Variants in ERCC1 observed in about 807,000 individuals in gnomAD.
ERCC1 encodes the protein DNA excision repair protein ERCC-1.
Under a neutral mutation model 37.6 loss-of-function variants are expected in ERCC1, and 36 were observed. That is an observed-to-expected ratio of 0.96 (90% confidence interval 0.73 to 1.26). The LOEUF (loss-of-function observed/expected upper bound fraction) is 1.26, where lower values mean the gene tolerates loss of function less well. Ranked by LOEUF, ERCC1 falls within the 50% of genes most tolerant of loss-of-function variation. The pLI, the probability that ERCC1 is intolerant of heterozygous loss-of-function variation, is 0.00. For synonymous variants in ERCC1, 156 were observed against 162.1 expected (o/e 0.96, Z 0.28); for missense variants, 349 against 376.5 (o/e 0.93, Z 0.60).
chr19:45,437,759 T>C (rs1975017978), intron 1 of ERCC1, among the ~76,000 whole-genome samples: 1 of 152,206 alleles, frequency 6.6e-6, no homozygotes, highest in Admixed American at 6.5e-5. Flanking sequence ...TCAGCGAGAC[T>C]GGAGAAATAT....
chr19:45,431,079 A>G (rs1202316204), intron 1 of ERCC1, among the ~76,000 whole-genome samples: 2 of 152,044 alleles, frequency 1.3e-5, no homozygotes, highest in African/African-American at 4.8e-5. Context: ...CAGCCTCCCA[A>G]GTAGCTGAGA....
chr19:45,408,064 A>C lies in ERCC1; in HGVS notation c.*1611T>G, dbSNP rs77052728. 1.3e-6 allele frequency: 2 copies of C among 1,504,712 alleles called. No homozygotes were observed. Among genetic ancestry groups the C allele is most frequent in the Non-Finnish European group, 1.8e-6 (2 of 1,129,638 alleles). The allele number at this position is 1,504,712 out of a possible 1,614,324, so 93.2% of individuals were successfully genotyped here. On this transcript the variant is annotated 3_prime_UTR_variant, in exon 10 of 10. Coordinates refer to ENST00000300853, the MANE Select transcript of ERCC1 (RefSeq NM_001983.4). ...GCAAGACTCTCTCAAAAAAAAACAA[A>C]AAAAAAATCAAAAAACCTTCCCTCT...
intron 4 of ERCC1, 48 bp from the exon 5 acceptor site, chr19:45,419,245 A>G (rs1974253667): frequency 7.6e-7 from 1 of 1,313,452 alleles, no homozygotes; most frequent in Admixed American, 2.0e-5. Context: ...TCTCTTCAAG[A>G]CCCCCAAAGC....
intron 1 of ERCC1, among the ~76,000 whole-genome samples, chr19:45,442,444 G>T (rs1342647492): frequency 6.6e-6 from 1 of 152,154 alleles, no homozygotes; most frequent in Non-Finnish European, 1.5e-5. Flanking sequence ...ATCTTGGCCA[G>T]TAGGATTCAC....
At chr19:45,434,157 A>AC (rs1568597008) in intron 1 of ERCC1, among the ~76,000 whole-genome samples, 29,014 of 105,008 alleles carry the variant, frequency 0.28, 3,835 homozygotes, top group East Asian at 0.42. Flanking sequence ...CACACACACA[A>AC]AAAAAAAAAA....
At chr19:45,412,341 T>C (rs1973793790) in intron 9 of ERCC1, among the ~76,000 whole-genome samples, 1 of 151,740 alleles carries the variant, frequency 6.6e-6, no homozygotes, top group African/African-American at 2.4e-5. Flanking sequence ...ATATTTTTAG[T>C]AGAGATGGGG....
intron 1 of ERCC1, among the ~76,000 whole-genome samples, chr19:45,448,071 C>T (rs1010003962): frequency 5.3e-5 from 8 of 152,130 alleles, no homozygotes; most frequent in African/African-American, 1.9e-4. Context: ...GGGGTTTCGC[C>T]ATGCTGGCCA....
In ERCC1 at chr19:45,420,070, T is replaced by C. The variant is rs1347413685; in HGVS notation, c.425+254A>G. On this transcript the variant is annotated intron_variant, in intron 4 of 9. Transcript: ENST00000300853. The surrounding 1 kb of genome is among the most constrained non-coding windows in gnomAD (Gnocchi z 4.8). ...CCCCAGGAGTCCAGCCCTCAGCCCCTCCTCCCCCGGACCCAGGAGTCCGGC... is the reference window on the plus strand; with the variant it reads ...CCCCAGGAGTCCAGCCCTCAGCCCCCCCTCCCCCGGACCCAGGAGTCCGGC... Among the ~76,000 whole-genome samples, 3 of 62,142 alleles carry C rather than the reference T, an allele frequency of 4.8e-5. No individual in the cohort carries two copies. Among genetic ancestry groups the C allele is most frequent in the African/African-American group, 1.3e-4 (2 of 15,710 alleles). The allele number at this position is 62,142 out of a possible 152,430, so 40.8% of individuals were successfully genotyped here. A position where few individuals can be genotyped will look rare whatever the true frequency, so the allele number is the denominator to read the frequency against.
chr19:45,417,096 C>CA (rs1164332669), intron 5 of ERCC1, among the ~76,000 whole-genome samples, 199 bp from the exon 6 acceptor site: 71 of 138,856 alleles, frequency 5.1e-4, no homozygotes, highest in South Asian at 9.1e-4. Context: ...GACTCTGTCT[C>CA]AAAAAAAAAA....
intron 9 of ERCC1, chr19:45,410,565 T>TGTGTGTGTGTGTGTGTGTG (rs1973661594): frequency 5.7e-5 from 8 of 140,718 alleles, no homozygotes; most frequent in African/African-American, 2.2e-4. Context: ...CATTCTTTCT[T>TGTGTGTGTGTGTGTGTGTG]TGTGTGTGTG....
chr19:45,424,938 T>TTTC (rs1465698316), upstream of ERCC1, among the ~76,000 whole-genome samples: 5 of 150,406 alleles, frequency 3.3e-5, no homozygotes, highest in African/African-American at 1.2e-4. Context: ...TTTTTTTTTT[T>TTTC]CGAGACGGAG....
intron 1 of ERCC1, among the ~76,000 whole-genome samples, chr19:45,447,874 ATT>A (rs112686421): frequency 2.8e-5 from 4 of 142,654 alleles, no homozygotes; most frequent in Non-Finnish European, 1.5e-5. Context: ...TTTCTCTGAG[ATT>A]TTTTTTTTTT....
At chr19:45,426,056 C>T (rs1410851544), upstream of ERCC1, among the ~76,000 whole-genome samples, 1 of 151,644 alleles carries the variant, frequency 6.6e-6, no homozygotes, top group Non-Finnish European at 1.5e-5. Context: ...CCAGCCTGAC[C>T]AACATGGAGA....
intron 1 of ERCC1, among the ~76,000 whole-genome samples, chr19:45,432,010 C>A (rs1483122291): frequency 2.0e-5 from 3 of 151,948 alleles, no homozygotes; most frequent in Non-Finnish European, 4.4e-5. Context: ...CTCGCTCTGT[C>A]GCCCAGCCTG....
Position 45,434,784 on chromosome 19 carries a change from GT to G in ERCC1, c.-7-11404del, listed in dbSNP as rs202177715. On this transcript the variant is annotated intron_variant, in intron 1 of 8. Coordinates refer to the ERCC1 transcript ENST00000423698. ...AAATTTTTTTATTTTTATTTTTATT[GT>G]TTTTTTTGAGACAGAGTTTCGCTCT... is the stretch of plus-strand genomic sequence containing the variant. Among the ~76,000 whole-genome samples, 891 of 149,956 alleles carry G rather than the reference GT, an allele frequency of 5.9e-3. 17 individuals are homozygous for G. Among genetic ancestry groups the G allele is most frequent in the Non-Finnish European group, 6.3e-3 (428 of 67,406 alleles).
At position 45,440,456 on chromosome 19, in the gene ERCC1, G is replaced by C. The variant is rs950106682; in HGVS notation, c.-7-17075C>G. ...CCTGCGGGCTGAGGGCTGAGGGCTG[G>C]GGGTGAGGATCTGATTTCTTGGTTT... On this transcript the variant is annotated intron_variant, in intron 1 of 8. Coordinates refer to the ERCC1 transcript ENST00000423698. Among the ~76,000 whole-genome samples the C allele has an allele frequency of 3.9e-5, 6 of 152,150 alleles. No individual in the cohort carries two copies. The East Asian group carries it at 5.8e-4, about 15-fold the overall frequency.
chr19:45,409,696 C>G lies in ERCC1; in HGVS notation c.873G>C (p.Glu291Asp), dbSNP rs759908502. ...GTCATCAGGGTACTTTCAAGAAGGG[C>G]TCGTGCAGGACATCAAACAGCCTCC... ...KARRLFDVLH[E>D]PFLKVP The change falls in exon 10 of 10, where the codon GAG (glutamate) becomes GAC (aspartate). Residue 291 changes from glutamate to aspartate, a missense_variant. Coordinates refer to ENST00000300853, the MANE Select transcript of ERCC1 (RefSeq NM_001983.4). 1 of 988,286 alleles carries G rather than the reference C, an allele frequency of 1.0e-6. No homozygotes were observed. Among genetic ancestry groups the G allele is most frequent in the Non-Finnish European group, 1.6e-6 (1 of 608,608 alleles). 61.2% of individuals were successfully genotyped at this position (988,286 alleles called of 1,614,324 possible).
chr19:45,426,947 C>T (rs576137575), upstream of ERCC1, among the ~76,000 whole-genome samples: 1 of 109,238 alleles, frequency 9.2e-6, no homozygotes, highest in Non-Finnish European at 1.8e-5. Flanking sequence ...GCGACAAAAG[C>T]GAAACTCCAT....
At chr19:45,450,901 C>A (rs867328120) in intron 1 of ERCC1, among the ~76,000 whole-genome samples, 34 of 96,382 alleles carry the variant, frequency 3.5e-4, no homozygotes, top group East Asian at 8.5e-4. Context: ...CCCCCCCCCC[C>A]CCCCACGCCC....
Sources: gnomAD v4.1 joint callset for allele counts (sites outside exome capture counted in the v4.1 genomes callset) on GRCh38, gnomAD v4.1.1 for gene constraint, Gnocchi (gnomAD v3.1) non-coding constraint, MANE v1.5 for transcripts, NCBI Gene and HGNC (gene_info 2026-07-23, HGNC 2026-07-21) for gene names.